SLC2A1: variants seen among roughly 807,000 people sequenced by gnomAD.
The protein encoded by SLC2A1 is solute carrier family 2 member 1.
A neutral mutation model predicts 46.6 loss-of-function variants in SLC2A1; 4 were observed. That is an observed-to-expected ratio of 0.09 (90% CI 0.04 to 0.20). The LOEUF is 0.20. Among genes scored for constraint, SLC2A1 ranks in the 10% least tolerant of loss-of-function variants. The pLI, the probability that SLC2A1 is intolerant of heterozygous loss-of-function variation, is 1.00. For missense variants in SLC2A1, 352 were observed against 667.0 expected, an observed-to-expected ratio of 0.53 and a Z score of 5.20; for synonymous variants, 253 against 270.0, an observed-to-expected ratio of 0.94 and a Z score of 0.62.
chr1:42,931,826 T>TAAA (rs1643493149), intron 2 of SLC2A1, among the ~76,000 whole-genome samples: 1 of 30,144 alleles, frequency 3.3e-5, no homozygotes, highest in Non-Finnish European at 9.9e-5. Context: ...ACTCTATGTC[T>TAAA]CAAAAAAAAA....
intron 1 of SLC2A1, among the ~76,000 whole-genome samples, chr1:42,957,654 T>A (rs530875641): frequency 6.6e-6 from 1 of 152,248 alleles, no homozygotes; most frequent in East Asian, 1.9e-4. Flanking sequence ...CAGGAGGGGC[T>A]CCACAAACAA....
At chr1:42,951,451 A>G (rs193153641) in intron 1 of SLC2A1, among the ~76,000 whole-genome samples, 1 of 152,326 alleles carries the variant, frequency 6.6e-6, no homozygotes, top group African/African-American at 2.4e-5. Context: ...AGAGAGAAAC[A>G]CTGCCAGTAT....
intron 1 of SLC2A1, 62 bp from the exon 2 acceptor site, chr1:42,943,383 G>A (rs1279789528): frequency 8.5e-7 from 1 of 1,181,324 alleles, no homozygotes; most frequent in Non-Finnish European, 1.2e-6. Context: ...ACAGGGCAGG[G>A]CCTGGACTGG....
At position 42,930,226 on chromosome 1, in the gene SLC2A1, CCA is replaced by C; in HGVS notation, c.517-193_517-192del. 2 of 680,846 alleles carry C rather than the reference CCA, an allele frequency of 2.9e-6. No homozygotes were observed. The allele number at this position is 680,846 out of a possible 1,614,324, so 42.2% of individuals were successfully genotyped here. Reference sequence around the variant, plus strand: ...TCACATGGGAAAAGTAGGACCTACCCCACAGTGTTGCTGGGAGGACAAATGAC... The same window carrying C: ...TCACATGGGAAAAGTAGGACCTACCCCAGTGTTGCTGGGAGGACAAATGAC... On this transcript the variant is annotated intron_variant, in intron 4 of 9. Coordinates refer to ENST00000426263, the MANE Select transcript of SLC2A1 (RefSeq NM_006516.4). This position sits in a 1 kb window ranked among gnomAD's most constrained non-coding sequence, Gnocchi z 6.2.
At position 42,927,881 on chromosome 1, in the gene SLC2A1, A is replaced by G; in HGVS notation, c.1075-73T>C. ...GATCCTCAGGGGAAACAGAAGCTAC[A>G]GAGGCCAGAGCAGAGCTATGCGAGA... is the stretch of plus-strand genomic sequence containing the variant. On this transcript the variant is annotated intron_variant, in intron 8 of 9. Coordinates refer to ENST00000426263, the MANE Select transcript of SLC2A1 (RefSeq NM_006516.4). The surrounding 1 kb of genome is among the most constrained non-coding windows in gnomAD (Gnocchi z 5.3). The G allele has an allele frequency of 1.7e-6, 2 of 1,171,508 alleles. No homozygotes were observed. The highest frequency in any genetic ancestry group is 2.5e-6 in the Non-Finnish European group (2 of 803,886). 72.6% of individuals were successfully genotyped at this position (1,171,508 alleles called of 1,614,324 possible). A position where few individuals can be genotyped will look rare whatever the true frequency, so the allele number is the denominator to read the frequency against.
chr1:42,943,881 C>T (rs927956048), intron 1 of SLC2A1, among the ~76,000 whole-genome samples: 2 of 152,188 alleles, frequency 1.3e-5, no homozygotes, highest in African/African-American at 4.8e-5. Flanking sequence ...AGCAAAATGG[C>T]AACAGCTTCG....
intron 1 of SLC2A1, among the ~76,000 whole-genome samples, chr1:42,949,674 A>G (rs760668153): frequency 6.7e-6 from 1 of 150,304 alleles, no homozygotes; most frequent in Non-Finnish European, 1.5e-5. Context: ...TGGTGCATTT[A>G]GCAGCAGCAG....
chr1:42,957,303 T>A (rs931624067), intron 1 of SLC2A1, among the ~76,000 whole-genome samples: 2 of 152,170 alleles, frequency 1.3e-5, no homozygotes, highest in Non-Finnish European at 1.5e-5. Flanking sequence ...GGGTCTCACC[T>A]CAAGCGAGGG....
rs752703331 is a variant in SLC2A1, at chr1:42,928,997, G to A, written c.1009C>T (p.His337Tyr). The change falls in exon 8 of 10, where the codon CAC (histidine) becomes TAC (tyrosine). Residue 337 changes from histidine to tyrosine, a missense_variant. Physicochemically the swap from His to Tyr is moderately conservative, Grantham distance 83 (BLOSUM62 2). Coordinates refer to ENST00000426263, the MANE Select transcript of SLC2A1 (RefSeq NM_006516.4). ...GCCATGCCAGCGAGGCCTATGAGGTGCAGGGTCCGCCGGCCTGCTCGCTCC... is the reference window on the plus strand; with the variant it reads ...GCCATGCCAGCGAGGCCTATGAGGTACAGGGTCCGCCGGCCTGCTCGCTCC... ...VVERAGRRTL[H>Y]LIGLAGMAGC... 3.1e-6 allele frequency: 5 copies of A among 1,613,740 alleles called. No homozygotes were observed. The highest frequency in any genetic ancestry group is 1.3e-5 in the African/African-American group (1 of 75,070).
intron 2 of SLC2A1, among the ~76,000 whole-genome samples, chr1:42,939,402 T>C (rs1454695857): frequency 6.6e-6 from 1 of 152,232 alleles, no homozygotes; most frequent in Admixed American, 6.5e-5. Flanking sequence ...TTCTGGCCAC[T>C]CACATCTCCA....
chr1:42,941,813 G>A (rs1643601435), intron 2 of SLC2A1, among the ~76,000 whole-genome samples: 2 of 152,202 alleles, frequency 1.3e-5, no homozygotes, highest in Non-Finnish European at 2.9e-5. Context: ...TTTGGCAAGA[G>A]CTGTCAAGAG....
At chr1:42,932,850 C>T (rs1397284113) in intron 2 of SLC2A1, among the ~76,000 whole-genome samples, 1 of 152,174 alleles carries the variant, frequency 6.6e-6, no homozygotes, top group Non-Finnish European at 1.5e-5. Flanking sequence ...ACAACCTGTC[C>T]CAAGTCAGCA....
chr1:42,946,572 A>G (rs1643657903), intron 1 of SLC2A1, among the ~76,000 whole-genome samples: 1 of 152,170 alleles, frequency 6.6e-6, no homozygotes, highest in Non-Finnish European at 1.5e-5. Flanking sequence ...AGTTCCCAGG[A>G]GGTGACATTG....
At chr1:42,948,802 AC>A (rs1012000728) in intron 1 of SLC2A1, among the ~76,000 whole-genome samples, 3 of 151,994 alleles carry the variant, frequency 2.0e-5, no homozygotes, top group Non-Finnish European at 4.4e-5. Flanking sequence ...ACGGTGGCTC[AC>A]CCCTGTAATC....
At chr1:42,943,681 C>G (rs1643621451) in intron 1 of SLC2A1, among the ~76,000 whole-genome samples, 1 of 152,088 alleles carries the variant, frequency 6.6e-6, no homozygotes, top group Non-Finnish European at 1.5e-5. Context: ...GGCCCAGGAA[C>G]CAGCCCTCCT....
chr1:42,939,962 A>G (rs1643580083), intron 2 of SLC2A1, among the ~76,000 whole-genome samples: 1 of 151,424 alleles, frequency 6.6e-6, no homozygotes, highest in African/African-American at 2.4e-5. Flanking sequence ...CAAAAAAAAA[A>G]AAAAAAAAAA....
In SLC2A1 at chr1:42,936,871, C is replaced by T. The variant is rs372915191; in HGVS notation, c.115-5665G>A. Among the ~76,000 whole-genome samples the T allele has an allele frequency of 7.0e-4, 107 of 152,248 alleles. 1 individual carries two copies. The highest frequency in any genetic ancestry group is 2.5e-3 in the African/African-American group (102 of 41,538). ...AGATACTCCTCTGGAAAGCCTTCCT[C>T]CCGAGAACCACCCCTCCCACTCCAC... On this transcript the variant is annotated intron_variant, in intron 2 of 9. Coordinates refer to ENST00000426263, the MANE Select transcript of SLC2A1 (RefSeq NM_006516.4).
At chr1:42,943,406 T>A (rs1452725673) in intron 1 of SLC2A1, 85 bp from the exon 2 acceptor site, 1 of 980,242 alleles carries the variant, frequency 1.0e-6, no homozygotes, top group Non-Finnish European at 1.6e-6. Flanking sequence ...AGTTTCTGTG[T>A]TCAGATATCT....
Position 42,929,378 on chromosome 1 carries a change from C to T in SLC2A1, c.868-64G>A. The T allele has an allele frequency of 7.4e-7, 1 of 1,359,166 alleles. No individual in the cohort carries two copies. Among genetic ancestry groups the T allele is most frequent in the East Asian group, 2.5e-5 (1 of 40,684 alleles). The allele number at this position is 1,359,166 out of a possible 1,614,324, so 84.2% of individuals were successfully genotyped here. A position where few individuals can be genotyped will look rare whatever the true frequency, so the allele number is the denominator to read the frequency against. ...TTGTGGCCCTTCCCTGCCTCTGTAGCAGTGGATGTGGGACCCAGGATGAGT... is the reference window on the plus strand; with the variant it reads ...TTGTGGCCCTTCCCTGCCTCTGTAGTAGTGGATGTGGGACCCAGGATGAGT... On this transcript the variant is annotated intron_variant, in intron 6 of 9. Coordinates refer to ENST00000426263, the MANE Select transcript of SLC2A1 (RefSeq NM_006516.4). The surrounding 1 kb of genome is among the most constrained non-coding windows in gnomAD (Gnocchi z 6.0).
Sources: allele counts gnomAD v4.1 joint callset (sites outside exome capture counted in the v4.1 genomes callset), GRCh38; gene constraint gnomAD v4.1.1; non-coding constraint Gnocchi (gnomAD v3.1); transcripts MANE v1.5; gene names NCBI Gene and HGNC (gene_info 2026-07-23, HGNC 2026-07-21).